PTPRT: variants seen among roughly 807,000 people sequenced by gnomAD.
PTPRT encodes the protein protein tyrosine phosphatase receptor type T.
In PTPRT, 56 loss-of-function variants were observed where a neutral mutation model predicts 176.8. That is an observed-to-expected ratio of 0.32 (90% CI 0.26 to 0.40). The LOEUF (loss-of-function observed/expected upper bound fraction) is 0.40, where lower values mean the gene tolerates loss of function less well. PTPRT is among the 10% of genes least tolerant of loss of function. The pLI is 1.00. For synonymous variants in PTPRT, 783 were observed against 739.0 expected (o/e 1.06, Z -0.96); for missense variants, 1,540 against 1,908.2 (o/e 0.81, Z 3.60).
intron 1 of PTPRT, among the ~76,000 whole-genome samples, chr20:42,984,615 C>G (rs1983468125): frequency 6.6e-6 from 1 of 152,224 alleles, no homozygotes; most frequent in Non-Finnish European, 1.5e-5. Context: ...TGAGCACCTA[C>G]TATGGGCTGT....
At position 42,462,003 on chromosome 20, in the gene PTPRT, TAAA is replaced by T. The variant is rs78975132; in HGVS notation, c.1450+10260_1450+10262del. Reference sequence around the variant, plus strand: ...AATTGCTGGAGCAATGACATTGAGTTAAAAAAAAAAAAGTAAGTGGGATTTGCT... The same window carrying T: ...AATTGCTGGAGCAATGACATTGAGTTAAAAAAAAAGTAAGTGGGATTTGCT... On this transcript the variant is annotated intron_variant, in intron 8 of 30. Coordinates refer to ENST00000373187, the MANE Select transcript of PTPRT (RefSeq NM_007050.6). Among the ~76,000 whole-genome samples, 1,322 of 144,404 alleles carry T rather than the reference TAAA, an allele frequency of 9.2e-3. 11 individuals carry two copies. Among genetic ancestry groups the T allele is most frequent in the Middle Eastern group, 0.014 (4 of 276 alleles). 94.7% of individuals were successfully genotyped at this position (144,404 alleles called of 152,430 possible). A position where few individuals can be genotyped will look rare whatever the true frequency, so the allele number is the denominator to read the frequency against.
At chr20:43,121,877 G>A (rs771367467) in intron 1 of PTPRT, among the ~76,000 whole-genome samples, 36 of 152,084 alleles carry the variant, frequency 2.4e-4, no homozygotes, top group African/African-American at 8.2e-4. Flanking sequence ...GTCATTTACC[G>A]AGTCATCTCA....
chr20:42,116,135 CAA>C (rs750951325), intron 21 of PTPRT: 1 of 710,930 alleles, frequency 1.4e-6, no homozygotes, highest in Non-Finnish European at 2.6e-6. Context: ...AAACAAAAAA[CAA>C]ACAAAAAAAG....
chr20:43,106,961 T>C (rs371826590), intron 1 of PTPRT, among the ~76,000 whole-genome samples: 1 of 152,086 alleles, frequency 6.6e-6, no homozygotes, highest in African/African-American at 2.4e-5. Context: ...CAGCTAATTT[T>C]GTATTTTTAG....
At chr20:42,195,375 CCAGA>C (rs1396260682) in intron 16 of PTPRT, among the ~76,000 whole-genome samples, 2 of 152,196 alleles carry the variant, frequency 1.3e-5, no homozygotes, top group African/African-American at 4.8e-5. Context: ...GATTCAGAGG[CCAGA>C]CAGTCACTTC....
At chr20:42,499,315 G>A (rs538885704) in intron 7 of PTPRT, among the ~76,000 whole-genome samples, 3 of 148,436 alleles carry the variant, frequency 2.0e-5, no homozygotes, top group South Asian at 4.3e-4. Flanking sequence ...TTTTGAGACA[G>A]AGTTTTGCTC....
At chr20:42,253,877 C>T (rs1331042258) in intron 13 of PTPRT, among the ~76,000 whole-genome samples, 1 of 152,206 alleles carries the variant, frequency 6.6e-6, no homozygotes, top group Non-Finnish European at 1.5e-5. Flanking sequence ...GCTGCTGCAT[C>T]CTGCTGTCTA....
At chr20:43,157,658 C>T (rs1041903634) in intron 1 of PTPRT, among the ~76,000 whole-genome samples, 2 of 152,158 alleles carry the variant, frequency 1.3e-5, no homozygotes, top group Non-Finnish European at 2.9e-5. Flanking sequence ...TTTAGTGCTA[C>T]CTTTGTATCT....
intron 26 of PTPRT, among the ~76,000 whole-genome samples, chr20:42,100,606 G>A (rs1049106215): frequency 3.3e-5 from 5 of 152,162 alleles, no homozygotes; most frequent in Admixed American, 6.5e-5. Flanking sequence ...TTTGATCTTT[G>A]CCTGGATGAG....
intron 12 of PTPRT, among the ~76,000 whole-genome samples, chr20:42,289,623 AT>A (rs1220748604): frequency 5.9e-5 from 9 of 152,098 alleles, no homozygotes; most frequent in Non-Finnish European, 1.2e-4. Context: ...AGTCAAAAAA[AT>A]AACAGATGTT....
At chr20:42,533,905 C>T (rs186091931) in intron 7 of PTPRT, among the ~76,000 whole-genome samples, 7 of 152,272 alleles carry the variant, frequency 4.6e-5, no homozygotes, top group Non-Finnish European at 5.9e-5. Context: ...ATTGAGGTGT[C>T]CAGTAAGCAG....
chr20:42,836,036 G>A (rs2078175340), intron 2 of PTPRT, among the ~76,000 whole-genome samples: 1 of 152,046 alleles, frequency 6.6e-6, no homozygotes, highest in African/African-American at 2.4e-5. Context: ...GTTTGCCCCT[G>A]GTCTAATTTT....
chr20:42,333,339 C>T (rs564033415), intron 11 of PTPRT, among the ~76,000 whole-genome samples: 46 of 151,976 alleles, frequency 3.0e-4, no homozygotes, highest in Non-Finnish European at 5.6e-4. Context: ...TATGTATAGG[C>T]TTAGTTTTTT....
rs936466667 is a variant in PTPRT, at chr20:42,144,203, A to AG, written c.2683-2202dup. Among the ~76,000 whole-genome samples, 5 of 152,184 alleles carry AG rather than the reference A, an allele frequency of 3.3e-5. No individual in the cohort carries two copies. The South Asian group carries it at 8.3e-4, about 25-fold the overall frequency. On this transcript the variant is annotated intron_variant, in intron 17 of 30. Coordinates refer to ENST00000373187, the MANE Select transcript of PTPRT (RefSeq NM_007050.6). ...CTTAGATCATTAGTTTGAAGAACTG[A>AG]GGGGGGAGAGATGTGATTTATTGAG...
At chr20:42,100,267 T>G (rs1013583568) in intron 26 of PTPRT, among the ~76,000 whole-genome samples, 1 of 152,196 alleles carries the variant, frequency 6.6e-6, no homozygotes, top group Admixed American at 6.5e-5. Flanking sequence ...AGATCCGTGC[T>G]CCTGCCGGGT....
chr20:42,322,087 C>T (rs1277693976), intron 11 of PTPRT, among the ~76,000 whole-genome samples: 1 of 152,054 alleles, frequency 6.6e-6, no homozygotes, highest in Non-Finnish European at 1.5e-5. Context: ...AATGGAAGAA[C>T]ATTTCAACAA....
chr20:42,482,223 A>G (rs1289300302), intron 7 of PTPRT, among the ~76,000 whole-genome samples: 1 of 152,140 alleles, frequency 6.6e-6, no homozygotes, highest in African/African-American at 2.4e-5. Context: ...AAAATCTAAG[A>G]GACAAGAGCA....
At chr20:42,067,089 C>T in the PTPRT span, among the ~76,000 whole-genome samples, 896 of 152,242 alleles carry the variant, frequency 5.9e-3, 6 homozygotes, top group African/African-American at 0.021. Flanking sequence ...TTCACCCTTA[C>T]AAGCGAAGGT....
chr20:43,092,785 A>C (rs140520877), intron 1 of PTPRT, among the ~76,000 whole-genome samples: 73 of 152,238 alleles, frequency 4.8e-4, no homozygotes, highest in Non-Finnish European at 9.7e-4. Context: ...GAGGACCCAC[A>C]GCAGAGGCCC....
Sources: gnomAD v4.1 joint callset for allele counts (sites outside exome capture counted in the v4.1 genomes callset) on GRCh38, gnomAD v4.1.1 for gene constraint, MANE v1.5 for transcripts, NCBI Gene and HGNC (gene_info 2026-07-23, HGNC 2026-07-21) for gene names.